Variants in TRIM5 observed in about 807,000 individuals in gnomAD.
The protein encoded by TRIM5 is tripartite motif containing 5.
A neutral mutation model predicts 35.6 loss-of-function variants in TRIM5; 31 were observed. The ratio of observed to expected loss-of-function variants is 0.87; its 90% CI spans 0.65 to 1.18. The LOEUF (loss-of-function observed/expected upper bound fraction) is 1.18. Ranked by LOEUF, TRIM5 falls within the 50% of genes most tolerant of loss-of-function variation. The probability of loss-of-function intolerance (pLI) is 0.00; values close to 1 mark genes in which losing one functional copy is unlikely to be tolerated. For synonymous variants in TRIM5, 243 were observed against 215.6 expected (o/e 1.13, Z -1.11); for missense variants, 609 against 591.6 (o/e 1.03, Z -0.31).
downstream of TRIM5, among the ~76,000 whole-genome samples, chr11:5,659,091 T>G (rs1850728381): frequency 6.6e-6 from 1 of 152,158 alleles, no homozygotes; most frequent in Non-Finnish European, 1.5e-5. Flanking sequence ...ACACGGCACA[T>G]GTATACATAT....
the TRIM5 span, chr11:5,605,073 T>A: frequency 9.5e-6 from 5 of 526,882 alleles, no homozygotes; most frequent in Non-Finnish European, 1.4e-5. Context: ...GGAGGCTTCC[T>A]GGAATCTAAA....
chr11:5,611,168 C>T, the TRIM5 span: 2 of 1,614,150 alleles, frequency 1.2e-6, no homozygotes, highest in East Asian at 4.5e-5. Context: ...TGCCCCCTCG[C>T]CGTGTTGGGG....
chr11:5,681,800 A>AT (rs1022163710), intron 1 of TRIM5, among the ~76,000 whole-genome samples: 8 of 151,484 alleles, frequency 5.3e-5, no homozygotes, highest in Middle Eastern at 3.4e-3. Context: ...AGCTTTTAAT[A>AT]TTTTTTTTTC....
chr11:5,615,585 T>G, the TRIM5 span, among the ~76,000 whole-genome samples: 220 of 96,694 alleles, frequency 2.3e-3, 1 homozygote, highest in Non-Finnish European at 3.5e-3. Flanking sequence ...TTGTTTTTTT[T>G]TTGTTGTTGT....
At chr11:5,628,089 G>A in the TRIM5 span, among the ~76,000 whole-genome samples, 1 of 152,206 alleles carries the variant, frequency 6.6e-6, no homozygotes, top group African/African-American at 2.4e-5. Flanking sequence ...ACACTGGGAA[G>A]TGGTGGGGTC....
chr11:5,672,927 C>T (rs1851682485), intron 4 of TRIM5, among the ~76,000 whole-genome samples: 1 of 151,956 alleles, frequency 6.6e-6, no homozygotes, highest in Non-Finnish European at 1.5e-5. Flanking sequence ...TAATGTCATA[C>T]AGCTGAAAAA....
the TRIM5 span, chr11:5,608,319 G>A: frequency 6.2e-7 from 1 of 1,609,512 alleles, no homozygotes; most frequent in Non-Finnish European, 8.5e-7. Flanking sequence ...GAGAAATGTG[G>A]ATAAGGGCAT....
chr11:5,601,706 C>G, the TRIM5 span, among the ~76,000 whole-genome samples: 2 of 152,050 alleles, frequency 1.3e-5, no homozygotes, highest in African/African-American at 4.8e-5. Context: ...TGCAGTGAGC[C>G]GAGATAGTGC....
At chr11:5,652,273 T>C in the TRIM5 span, among the ~76,000 whole-genome samples, 9 of 152,218 alleles carry the variant, frequency 5.9e-5, no homozygotes, top group Non-Finnish European at 1.3e-4. Context: ...ACCTAGGTAA[T>C]CTTCTAGGGT....
chr11:5,647,467 G>A, the TRIM5 span, among the ~76,000 whole-genome samples: 1 of 152,218 alleles, frequency 6.6e-6, no homozygotes, highest in South Asian at 2.1e-4. Context: ...TATAGGAGTT[G>A]TCTGAATGAA....
At chr11:5,600,838 A>G in the TRIM5 span, among the ~76,000 whole-genome samples, 2 of 152,196 alleles carry the variant, frequency 1.3e-5, no homozygotes, top group African/African-American at 4.8e-5. Flanking sequence ...TCACATAGGC[A>G]GTGTTAGCTG....
the TRIM5 span, among the ~76,000 whole-genome samples, chr11:5,618,028 C>T: frequency 6.6e-6 from 1 of 152,102 alleles, no homozygotes; most frequent in East Asian, 1.9e-4. Context: ...TACTTTGATA[C>T]CTATTTTTGT....
At chr11:5,599,154 G>A in the TRIM5 span, among the ~76,000 whole-genome samples, 1 of 152,134 alleles carries the variant, frequency 6.6e-6, no homozygotes, top group East Asian at 1.9e-4. Flanking sequence ...TTGGTAATAT[G>A]CCACTGTATG....
chr11:5,668,785 G>A (rs921296148), intron 4 of TRIM5, among the ~76,000 whole-genome samples: 2 of 152,080 alleles, frequency 1.3e-5, no homozygotes, highest in African/African-American at 4.8e-5. Flanking sequence ...TTTCATTTTA[G>A]ACATTAACTG....
At chr11:5,608,352 C>T in the TRIM5 span, 1 of 1,613,206 alleles carries the variant, frequency 6.2e-7, no homozygotes. Flanking sequence ...CTTGACTTAA[C>T]CTGTCTTTTT....
the TRIM5 span, chr11:5,610,660 C>A: frequency 6.4e-7 from 1 of 1,565,466 alleles, no homozygotes; most frequent in South Asian, 1.2e-5. Context: ...GTTGATGCCT[C>A]CCCCATCCCC....
chr11:5,600,380 G>A, the TRIM5 span, among the ~76,000 whole-genome samples: 2 of 152,176 alleles, frequency 1.3e-5, no homozygotes, highest in Non-Finnish European at 2.9e-5. Flanking sequence ...TATTTGCTGT[G>A]AGCATCGCTG....
the TRIM5 span, among the ~76,000 whole-genome samples, chr11:5,609,175 A>C: frequency 6.6e-6 from 1 of 152,084 alleles, no homozygotes; most frequent in African/African-American, 2.4e-5. Context: ...ACAAGGTGAC[A>C]TGTCAAGCTG....
chr11:5,601,047 G>T, the TRIM5 span, among the ~76,000 whole-genome samples: 1 of 152,176 alleles, frequency 6.6e-6, no homozygotes, highest in Non-Finnish European at 1.5e-5. Context: ...TCTCAATGAA[G>T]ATATAAGGTC....
Sources: allele counts gnomAD v4.1 joint callset (sites outside exome capture counted in the v4.1 genomes callset), GRCh38; gene constraint gnomAD v4.1.1; transcripts MANE v1.5; gene names NCBI Gene and HGNC (gene_info 2026-07-23, HGNC 2026-07-21).